The following FTO variants were observed in gnomAD, a reference collection of about 807,000 sequenced individuals.
FTO encodes alpha-ketoglutarate-dependent dioxygenase FTO.
In FTO, 47 loss-of-function variants were observed where a neutral mutation model predicts 63.9. That is an observed-to-expected ratio of 0.74 (90% CI 0.58 to 0.94). The LOEUF is 0.94. Ranked by LOEUF, FTO falls within the 40% of genes least tolerant of loss-of-function variation. The pLI is 0.00. For missense variants in FTO, 562 were observed against 618.1 expected, an observed-to-expected ratio of 0.91 and a Z score of 0.96; for synonymous variants, 207 against 224.4, an observed-to-expected ratio of 0.92 and a Z score of 0.69.
In FTO at chr16:54,090,651, G is replaced by A. The variant is rs1334252919; in HGVS notation, c.1365-21111G>A. On this transcript the variant is annotated intron_variant, in intron 8 of 8. Coordinates refer to ENST00000471389, the MANE Select transcript of FTO (RefSeq NM_001080432.3). Reference sequence around the variant, plus strand: ...TGAAAGATCTCATAATATGGAAAACGCTATTTCAGTTATGCATTGCAATGT... The same window carrying A: ...TGAAAGATCTCATAATATGGAAAACACTATTTCAGTTATGCATTGCAATGT... Among the ~76,000 whole-genome samples, 6 of 152,160 alleles carry A rather than the reference G, an allele frequency of 3.9e-5. 1 individual carries two copies. The highest frequency in any genetic ancestry group is 7.2e-5 in the African/African-American group (3 of 41,438).
chr16:53,898,281 G>C (rs1353886628), intron 7 of FTO, among the ~76,000 whole-genome samples: 1 of 151,998 alleles, frequency 6.6e-6, no homozygotes, highest in Non-Finnish European at 1.5e-5. Context: ...CAGGATTTTT[G>C]CATGTGCCGC....
At chr16:53,986,459 C>A (rs1485430161) in intron 8 of FTO, among the ~76,000 whole-genome samples, 1 of 152,134 alleles carries the variant, frequency 6.6e-6, no homozygotes, top group East Asian at 1.9e-4. Context: ...AACTCTGGAT[C>A]CTTCTGACGG....
intron 1 of FTO, among the ~76,000 whole-genome samples, chr16:53,777,252 T>C (rs764427695): frequency 2.0e-5 from 3 of 152,186 alleles, no homozygotes; most frequent in African/African-American, 2.4e-5. Flanking sequence ...ACTGTTCTGC[T>C]CTCTACTTCT....
In FTO at chr16:54,034,055, A is replaced by T. The variant is rs1231641348; in HGVS notation, c.1365-77707A>T. The T allele has an allele frequency of 2.0e-5, 3 of 152,222 alleles. No homozygotes were observed. In the East Asian group the frequency reaches 5.8e-4, roughly 29 times the overall value. The allele number at this position is 152,222 out of a possible 1,614,324, so 9.4% of individuals were successfully genotyped here. A position where few individuals can be genotyped will look rare whatever the true frequency, so the allele number is the denominator to read the frequency against. The stretch of plus-strand genomic sequence containing the variant: ...GGTAGGAGGGTTGCTGCGAGGGCCC[A>T]CTGTCACTTCGGGAAAGTGTAGCAG... On this transcript the variant is annotated intron_variant, in intron 8 of 8. Coordinates refer to ENST00000471389, the MANE Select transcript of FTO (RefSeq NM_001080432.3).
intron 1 of FTO, among the ~76,000 whole-genome samples, chr16:53,801,179 T>G (rs1321485161): frequency 6.6e-6 from 1 of 152,130 alleles, no homozygotes; most frequent in Non-Finnish European, 1.5e-5. Context: ...TTCTGCCTTT[T>G]TTGGATTTTT....
intron 8 of FTO, among the ~76,000 whole-genome samples, chr16:54,004,327 G>C (rs1018486764): frequency 3.3e-5 from 5 of 152,002 alleles, no homozygotes; most frequent in African/African-American, 1.2e-4. Context: ...GGGAGTTCCA[G>C]ACTACAGTGA....
intron 1 of FTO, among the ~76,000 whole-genome samples, chr16:53,759,547 A>G (rs2076997970): frequency 6.6e-6 from 1 of 152,054 alleles, no homozygotes; most frequent in African/African-American, 2.4e-5. Flanking sequence ...TACAAAAATT[A>G]GCTGGGCATG....
intron 8 of FTO, among the ~76,000 whole-genome samples, chr16:54,034,742 T>G (rs529378329): frequency 6.6e-6 from 1 of 152,324 alleles, no homozygotes; most frequent in South Asian, 2.1e-4. Flanking sequence ...ATATTTCACA[T>G]TTGCACATAA....
At chr16:53,775,474 G>A (rs962167924) in intron 1 of FTO, among the ~76,000 whole-genome samples, 8 of 152,026 alleles carry the variant, frequency 5.3e-5, no homozygotes, top group African/African-American at 1.7e-4. Flanking sequence ...TTCTTTCACC[G>A]TAACCATATT....
At chr16:53,889,074 T>G (rs2081081773) in intron 7 of FTO, 123 bp downstream of exon 7, 1 of 1,183,194 alleles carries the variant, frequency 8.5e-7, no homozygotes, top group South Asian at 1.2e-5. Context: ...AGATTCTTCT[T>G]GGTAAGGTGA....
intron 8 of FTO, chr16:53,979,390 G>A (rs145928409): frequency 3.5e-4 from 140 of 398,538 alleles, no homozygotes; most frequent in African/African-American, 2.7e-3. Context: ...CCAATTTACA[G>A]ATTCATCAAG....
In FTO at chr16:53,885,365, A is replaced by G. The variant is rs1424078241; in HGVS notation, c.1120-3467A>G. ...AATAGTTTTTACCCACAACATTGAA[A>G]TGAAAAAGTCAGGTCATGGAGTTGA... is the stretch of plus-strand genomic sequence containing the variant. On this transcript the variant is annotated intron_variant, in intron 6 of 8. Coordinates refer to ENST00000471389, the MANE Select transcript of FTO (RefSeq NM_001080432.3). Among the ~76,000 whole-genome samples the G allele has an allele frequency of 5.3e-5, 8 of 152,300 alleles. 1 individual carries two copies. Among genetic ancestry groups the G allele is most frequent in the Middle Eastern group, 6.8e-3 (2 of 294 alleles).
chr16:53,972,318 G>A (rs976465031), intron 8 of FTO, among the ~76,000 whole-genome samples: 4 of 152,012 alleles, frequency 2.6e-5, no homozygotes, highest in Non-Finnish European at 5.9e-5. Flanking sequence ...TTTTCAATAC[G>A]TGTGTTGAAG....
intron 8 of FTO, among the ~76,000 whole-genome samples, chr16:54,008,261 C>T (rs1399643310): frequency 1.3e-5 from 2 of 152,146 alleles, no homozygotes; most frequent in East Asian, 1.9e-4. Flanking sequence ...ATGAACCCAC[C>T]GACAACATCA....
At chr16:53,812,881 C>G (rs1475177963) in intron 2 of FTO, among the ~76,000 whole-genome samples, 1 of 151,968 alleles carries the variant, frequency 6.6e-6, no homozygotes, top group Non-Finnish European at 1.5e-5. Context: ...TTAAAAGTAC[C>G]CTTAAGACAG....
intron 2 of FTO, among the ~76,000 whole-genome samples, chr16:53,815,944 C>G (rs1431180667): frequency 2.0e-5 from 3 of 152,164 alleles, no homozygotes; most frequent in African/African-American, 7.2e-5. Flanking sequence ...CCACTGCACC[C>G]AGCTGCCATT....
rs2086973343 is a variant in FTO, at chr16:54,116,157, A to T, written c.*4242A>T. ...AGAGTCCATAGGACCCGTTTAACGGATCCCACATTCAGTAGACGGTTTTTT... is the reference window on the plus strand; with the variant it reads ...AGAGTCCATAGGACCCGTTTAACGGTTCCCACATTCAGTAGACGGTTTTTT... On this transcript the variant is annotated 3_prime_UTR_variant, in exon 9 of 9. Transcript: ENST00000471389. 3 of 152,224 alleles carry T rather than the reference A, an allele frequency of 2.0e-5. No homozygotes were observed. In the South Asian group the frequency reaches 6.2e-4, roughly 32 times the overall value. The allele number at this position is 152,224 out of a possible 1,614,324, so 9.4% of individuals were successfully genotyped here. A position where few individuals can be genotyped will look rare whatever the true frequency, so the allele number is the denominator to read the frequency against.
At chr16:53,909,181 G>A (rs1038284730) in intron 7 of FTO, among the ~76,000 whole-genome samples, 4 of 152,108 alleles carry the variant, frequency 2.6e-5, no homozygotes, top group South Asian at 2.1e-4. Context: ...ATCTACCAGC[G>A]GGGCTCAAAG....
At chr16:53,704,377 G>C in intron 1 of FTO, 148 bp downstream of exon 1, 1 of 798,386 alleles carries the variant, frequency 1.3e-6, no homozygotes. Context: ...GGAGATATTA[G>C]AGGGGATGTT....
Sources: gnomAD v4.1 joint callset for allele counts (sites outside exome capture counted in the v4.1 genomes callset) on GRCh38, gnomAD v4.1.1 for gene constraint, MANE v1.5 for transcripts, NCBI Gene and HGNC (gene_info 2026-07-23, HGNC 2026-07-21) for gene names.